The following MCTP1 variants were observed in gnomAD, a reference collection of about 807,000 sequenced individuals.
MCTP1 encodes multiple C2 and transmembrane domain containing 1, also known as multiple C2 and transmembrane domain-containing protein 1.
Under a neutral mutation model 120.6 loss-of-function variants are expected in MCTP1, and 69 were observed. The observed-to-expected ratio is 0.57, with a 90% confidence interval of 0.47 to 0.70. The LOEUF is 0.70. Ranked by LOEUF, MCTP1 falls within the 30% of genes least tolerant of loss-of-function variation. The pLI is 0.00. For missense variants in MCTP1, 1,203 were observed against 1,248.8 expected, an observed-to-expected ratio of 0.96 and a Z score of 0.55; for synonymous variants, 529 against 493.1, an observed-to-expected ratio of 1.07 and a Z score of -0.96.
At chr5:94,760,696 T>TC (rs1771122338) in intron 19 of MCTP1, among the ~76,000 whole-genome samples, 1 of 152,028 alleles carries the variant, frequency 6.6e-6, no homozygotes, top group African/African-American at 2.4e-5. Flanking sequence ...AAAATTGTTT[T>TC]TTTTTTTTTG....
chr5:95,275,819 T>C (rs560880653), intron 1 of MCTP1, among the ~76,000 whole-genome samples: 9 of 151,824 alleles, frequency 5.9e-5, no homozygotes, highest in Middle Eastern at 6.8e-3. Flanking sequence ...GGATGCTAAA[T>C]GGTTGTTACA....
intron 2 of MCTP1, among the ~76,000 whole-genome samples, chr5:95,012,481 T>C (rs1351589453): frequency 2.6e-5 from 4 of 152,168 alleles, no homozygotes; most frequent in Non-Finnish European, 4.4e-5. Context: ...TTTCTGTTTT[T>C]GTTTTCAAAT....
intron 1 of MCTP1, among the ~76,000 whole-genome samples, chr5:95,110,427 A>G (rs1757370013): frequency 1.3e-5 from 2 of 152,004 alleles, no homozygotes; most frequent in Non-Finnish European, 2.9e-5. Flanking sequence ...CTGCCTGAAC[A>G]CTGAAGACTC....
At chr5:94,956,768 G>A (rs1398081973) in intron 2 of MCTP1, among the ~76,000 whole-genome samples, 3 of 152,184 alleles carry the variant, frequency 2.0e-5, no homozygotes, top group African/African-American at 7.2e-5. Context: ...ATGGGACTCT[G>A]TAAAGAGACC....
intron 17 of MCTP1, among the ~76,000 whole-genome samples, chr5:94,818,272 C>G (rs1000031219): frequency 6.6e-6 from 1 of 152,182 alleles, no homozygotes; most frequent in East Asian, 1.9e-4. Flanking sequence ...CACAGATACA[C>G]ATACAAAAGT....
At chr5:95,007,828 A>T (rs1299900726) in intron 2 of MCTP1, among the ~76,000 whole-genome samples, 1 of 152,194 alleles carries the variant, frequency 6.6e-6, no homozygotes, top group East Asian at 1.9e-4. Context: ...TTCTCACAAC[A>T]CTTGCAAACT....
At chr5:95,032,426 T>G (rs1351051191) in intron 1 of MCTP1, among the ~76,000 whole-genome samples, 1 of 151,900 alleles carries the variant, frequency 6.6e-6, no homozygotes, top group African/African-American at 2.4e-5. Flanking sequence ...GAAATAAATA[T>G]CAAGAGGAAC....
chr5:94,943,627 C>T lies in MCTP1; in HGVS notation c.982-1200G>A, dbSNP rs535949161. Reference sequence around the variant, plus strand: ...CAGTGGTAAGCAAAAATGCCATTCTCAACGCTTACAGTTTAGTGAGGGAGA... The same window carrying T: ...CAGTGGTAAGCAAAAATGCCATTCTTAACGCTTACAGTTTAGTGAGGGAGA... On this transcript the variant is annotated intron_variant, in intron 3 of 22. Coordinates refer to ENST00000515393, the MANE Select transcript of MCTP1 (RefSeq NM_024717.7). Among the ~76,000 whole-genome samples, 28 of 152,132 alleles carry T rather than the reference C, an allele frequency of 1.8e-4. No individual in the cohort carries two copies. In the South Asian group the frequency reaches 5.2e-3, roughly 28 times the overall value.
At chr5:94,798,016 A>C (rs255338) in intron 18 of MCTP1, among the ~76,000 whole-genome samples, 136,232 of 151,822 alleles carry the variant, frequency 0.9, 61,495 homozygotes, top group African/African-American at 0.96. Context: ...AATTCTGCAT[A>C]ATTATGGGCA....
intron 2 of MCTP1, among the ~76,000 whole-genome samples, chr5:94,974,545 T>C (rs1827642445): frequency 1.3e-5 from 2 of 152,048 alleles, no homozygotes; most frequent in African/African-American, 4.8e-5. Context: ...CAAGACCCTA[T>C]CCCTGAAAAA....
At chr5:94,923,916 C>T (rs34187028) in intron 7 of MCTP1, 46 bp downstream of exon 7, 163,067 of 1,300,694 alleles carry the variant, frequency 0.13, 10,879 homozygotes, top group Admixed American at 0.15. Flanking sequence ...AATTGCTATC[C>T]AAAACCAAAA....
Position 94,779,164 on chromosome 5 carries a change from C to A in MCTP1, c.2557-1G>T. 6.2e-7 allele frequency: 1 copy of A among 1,613,434 alleles called. No individual in the cohort carries two copies. Among genetic ancestry groups the A allele is most frequent in the Non-Finnish European group, 8.5e-7 (1 of 1,179,454 alleles). On this transcript the variant is annotated splice_acceptor_variant, in intron 18 of 22. Coordinates refer to ENST00000515393, the MANE Select transcript of MCTP1 (RefSeq NM_024717.7). LOFTEE classifies it high-confidence loss of function. ...CGTCCTCTAGCATGTCCTCCACTAC[C>A]TGCAGAGAGAAACAGAAGTCGTTTT...
chr5:94,992,533 C>A (rs1831787232), intron 2 of MCTP1, among the ~76,000 whole-genome samples: 1 of 152,164 alleles, frequency 6.6e-6, no homozygotes, highest in South Asian at 2.1e-4. Flanking sequence ...TCTCAGTTCT[C>A]CTACACAGTA....
At chr5:95,256,749 C>T (rs542309665) in intron 1 of MCTP1, among the ~76,000 whole-genome samples, 1 of 152,128 alleles carries the variant, frequency 6.6e-6, no homozygotes, top group Non-Finnish European at 1.5e-5. Context: ...AGGAAAGAGA[C>T]CTGGCTTAGT....
chr5:94,713,569 T>C (rs769296714), intron 20 of MCTP1, among the ~76,000 whole-genome samples: 17 of 152,116 alleles, frequency 1.1e-4, no homozygotes, highest in Non-Finnish European at 2.9e-5. Context: ...ATGCCCCAAA[T>C]TGAGGGCTTC....
intron 12 of MCTP1, among the ~76,000 whole-genome samples, chr5:94,879,030 T>C (rs1298331398): frequency 6.6e-6 from 1 of 151,928 alleles, no homozygotes; most frequent in Non-Finnish European, 1.5e-5. Flanking sequence ...TGGAGAAAAG[T>C]GATCCAGGTA....
At chr5:95,079,071 G>C (rs942535822) in intron 1 of MCTP1, among the ~76,000 whole-genome samples, 4 of 152,042 alleles carry the variant, frequency 2.6e-5, no homozygotes, top group Non-Finnish European at 5.9e-5. Flanking sequence ...AGCAAAGGGA[G>C]ACTAAATGAC....
At chr5:95,034,340 T>A (rs1232326387) in intron 1 of MCTP1, among the ~76,000 whole-genome samples, 2 of 151,966 alleles carry the variant, frequency 1.3e-5, no homozygotes, top group East Asian at 1.9e-4. Context: ...AAGGCTATAA[T>A]AACCAAAGCA....
At chr5:95,165,673 C>T (rs1049287946) in intron 1 of MCTP1, among the ~76,000 whole-genome samples, 5 of 152,158 alleles carry the variant, frequency 3.3e-5, no homozygotes, top group South Asian at 2.1e-4. Flanking sequence ...CCCTGAAGTC[C>T]GCTTGAAACT....
Sources: allele counts gnomAD v4.1 joint callset (sites outside exome capture counted in the v4.1 genomes callset), GRCh38; gene constraint gnomAD v4.1.1; transcripts MANE v1.5; gene names NCBI Gene and HGNC (gene_info 2026-07-23, HGNC 2026-07-21).